FRMD4A: variants seen among roughly 807,000 people sequenced by gnomAD.
The protein encoded by FRMD4A is FERM domain-containing protein 4A.
FRMD4A carries 29 observed loss-of-function variants against 129.1 expected under a neutral mutation model. The ratio of observed to expected loss-of-function variants is 0.22; its 90% CI spans 0.17 to 0.31. The LOEUF is 0.31. FRMD4A is among the 10% of genes least tolerant of loss of function. The pLI is 1.00. For synonymous variants in FRMD4A, 634 were observed against 571.6 expected (o/e 1.11, Z -1.56); for missense variants, 1,272 against 1,375.8 (o/e 0.92, Z 1.19).
intron 3 of FRMD4A, among the ~76,000 whole-genome samples, chr10:13,825,793 C>A (rs1421214779): frequency 3.3e-5 from 5 of 152,336 alleles, no homozygotes; most frequent in Middle Eastern, 3.4e-3. Context: ...TGTATTGAAT[C>A]ATTTCAGACT....
At chr10:14,047,200 G>C (rs571420380) in intron 2 of FRMD4A, among the ~76,000 whole-genome samples, 1 of 152,100 alleles carries the variant, frequency 6.6e-6, no homozygotes. Context: ...TCATTTTACC[G>C]TCTCTATCCT....
intron 5 of FRMD4A, among the ~76,000 whole-genome samples, chr10:13,790,733 A>C (rs1015011218): frequency 1.3e-5 from 2 of 151,968 alleles, no homozygotes; most frequent in Non-Finnish European, 2.9e-5. Flanking sequence ...GGACGACCAC[A>C]GAATGAGGAA....
At chr10:14,229,084 CTTGTTTTTTT>C (rs1320519320) in intron 2 of FRMD4A, among the ~76,000 whole-genome samples, 2 of 150,994 alleles carry the variant, frequency 1.3e-5, no homozygotes, top group Non-Finnish European at 3.0e-5. Flanking sequence ...AATGTTTTTT[CTTGTTTTTTT>C]TTTGTTTGTT....
intron 2 of FRMD4A, among the ~76,000 whole-genome samples, chr10:14,179,336 C>G (rs1841834400): frequency 6.6e-6 from 1 of 152,170 alleles, no homozygotes; most frequent in African/African-American, 2.4e-5. Flanking sequence ...GACCTGCTCA[C>G]CACTCTTTAC....
intron 2 of FRMD4A, among the ~76,000 whole-genome samples, chr10:14,202,206 A>G (rs920771620): frequency 1.3e-5 from 2 of 151,938 alleles, no homozygotes; most frequent in African/African-American, 4.8e-5. Context: ...GTGTGCTGCA[A>G]GACAGTGGCA....
intron 2 of FRMD4A, among the ~76,000 whole-genome samples, chr10:14,211,808 G>A (rs1026728841): frequency 6.6e-6 from 1 of 152,196 alleles, no homozygotes; most frequent in Non-Finnish European, 1.5e-5. Flanking sequence ...TGTGAAAACT[G>A]TCATGCATTA....
chr10:13,949,317 AAG>A lies in FRMD4A; in HGVS notation c.46-90407_46-90406del, dbSNP rs1491096517. On this transcript the variant is annotated intron_variant, in intron 2 of 24. Coordinates refer to ENST00000357447, the MANE Select transcript of FRMD4A (RefSeq NM_018027.5). ...TCTAGTGATCAAAAAAAAAAAAAAAAAGAAAGAAAGAAAGAATAGGATGGGGT... is the reference window on the plus strand; with the variant it reads ...TCTAGTGATCAAAAAAAAAAAAAAAAAAAGAAAGAAAGAATAGGATGGGGT... Among the ~76,000 whole-genome samples, 81 of 145,298 alleles carry A rather than the reference AAG, an allele frequency of 5.6e-4. 1 individual carries two copies. In the South Asian group the frequency reaches 6.7e-3, roughly 12 times the overall value.
chr10:13,747,175 T>TAA (rs55979611), intron 9 of FRMD4A, among the ~76,000 whole-genome samples: 87,960 of 147,382 alleles, frequency 0.6, 26,330 homozygotes, highest in Middle Eastern at 0.66. Flanking sequence ...TTTTGAAAAT[T>TAA]AAAAAAAAAA....
chr10:13,949,307 A>AG (rs1044351375), intron 2 of FRMD4A, among the ~76,000 whole-genome samples: 1 of 151,304 alleles, frequency 6.6e-6, no homozygotes, highest in Non-Finnish European at 1.5e-5. Flanking sequence ...TGATCAAAAA[A>AG]AAAAAAAAAA....
At chr10:13,738,582 G>C (rs555423738) in intron 11 of FRMD4A, among the ~76,000 whole-genome samples, 1 of 152,108 alleles carries the variant, frequency 6.6e-6, no homozygotes, top group Non-Finnish European at 1.5e-5. Flanking sequence ...AGTGGAAGCT[G>C]AAACAGTCTC....
chr10:13,680,440 A>C (rs946888700), intron 15 of FRMD4A, among the ~76,000 whole-genome samples: 1 of 152,178 alleles, frequency 6.6e-6, no homozygotes, highest in African/African-American at 2.4e-5. Flanking sequence ...AAATTAAAAA[A>C]AAAAGGGCTG....
chr10:14,048,930 G>A (rs573694998), intron 2 of FRMD4A, among the ~76,000 whole-genome samples: 56 of 152,216 alleles, frequency 3.7e-4, no homozygotes, highest in Non-Finnish European at 6.8e-4. Context: ...GGTGGGAGTA[G>A]GATGGGCCTG....
intron 15 of FRMD4A, chr10:13,693,424 A>T (rs41291331): frequency 0.085 from 63,605 of 748,308 alleles, 2,885 homozygotes; most frequent in South Asian, 0.13. Context: ...TGGAGAAATC[A>T]TGCCCTGCGA....
intron 2 of FRMD4A, among the ~76,000 whole-genome samples, chr10:13,982,211 T>TAGTG (rs1180546063): frequency 6.6e-6 from 1 of 151,948 alleles, no homozygotes; most frequent in Non-Finnish European, 1.5e-5. Flanking sequence ...CAGCTGGGCA[T>TAGTG]AGTGGCTCAT....
chr10:14,078,007 T>G (rs546204392), intron 2 of FRMD4A, among the ~76,000 whole-genome samples: 45 of 152,314 alleles, frequency 3.0e-4, no homozygotes, highest in African/African-American at 1.1e-3. Flanking sequence ...TTGTGAAAAC[T>G]ATTACATGAT....
intron 2 of FRMD4A, among the ~76,000 whole-genome samples, chr10:13,866,519 A>G (rs562566113): frequency 4.6e-5 from 7 of 152,314 alleles, no homozygotes; most frequent in South Asian, 2.1e-4. Flanking sequence ...TCAAAGTCCA[A>G]TCTAGGTACC....
chr10:14,279,159 T>C (rs968099951), intron 2 of FRMD4A, among the ~76,000 whole-genome samples: 4 of 150,738 alleles, frequency 2.7e-5, no homozygotes, highest in Non-Finnish European at 5.9e-5. Flanking sequence ...CAAAGTAAAC[T>C]ATGCCCCTGA....
intron 2 of FRMD4A, among the ~76,000 whole-genome samples, chr10:14,184,563 G>A (rs1209057112): frequency 6.6e-6 from 1 of 151,942 alleles, no homozygotes; most frequent in Non-Finnish European, 1.5e-5. Flanking sequence ...CAATTTAAGG[G>A]AATTTGTTTG....
chr10:14,298,284 A>C (rs1846073881), intron 2 of FRMD4A, among the ~76,000 whole-genome samples: 1 of 152,246 alleles, frequency 6.6e-6, no homozygotes, highest in Non-Finnish European at 1.5e-5. Flanking sequence ...CCAGTAAAGT[A>C]GGGAAGATAT....
Sources: allele counts gnomAD v4.1 joint callset (sites outside exome capture counted in the v4.1 genomes callset), GRCh38; gene constraint gnomAD v4.1.1; transcripts MANE v1.5; gene names NCBI Gene and HGNC (gene_info 2026-07-23, HGNC 2026-07-21).